Variants in CCDC30 observed in about 807,000 individuals in gnomAD.
CCDC30 encodes the protein coiled-coil domain-containing protein 30.
Under a neutral mutation model 100.2 loss-of-function variants are expected in CCDC30, and 70 were observed. The observed-to-expected ratio is 0.70, with a 90% confidence interval of 0.58 to 0.85. CCDC30 has a LOEUF of 0.85. Ranked by LOEUF, CCDC30 falls within the 40% of genes least tolerant of loss-of-function variation. The pLI, the probability that CCDC30 is intolerant of heterozygous loss-of-function variation, is 0.00. For missense variants in CCDC30, 652 were observed against 771.2 expected, an observed-to-expected ratio of 0.85 and a Z score of 1.83; for synonymous variants, 233 against 269.5, an observed-to-expected ratio of 0.86 and a Z score of 1.33.
At chr1:42,532,408 C>T (rs1307813712) in intron 6 of CCDC30, among the ~76,000 whole-genome samples, 1 of 152,072 alleles carries the variant, frequency 6.6e-6, no homozygotes, top group Non-Finnish European at 1.5e-5. Context: ...TGTTCCTTAC[C>T]CATTTCTCTA....
chr1:42,464,339 T>C (rs1643500285), intron 1 of CCDC30: 2 of 152,230 alleles, frequency 1.3e-5, no homozygotes, highest in Admixed American at 1.3e-4. Context: ...CCTTGTTTCA[T>C]TAAATTTTAT....
intron 3 of CCDC30, among the ~76,000 whole-genome samples, chr1:42,489,152 A>G (rs7526123): frequency 0.4 from 60,780 of 152,142 alleles, 12,726 homozygotes; most frequent in East Asian, 0.59. Context: ...AGTAAAAACA[A>G]AAGCTATTTT....
chr1:42,572,441 C>T lies in CCDC30; in HGVS notation c.637-4579C>T, dbSNP rs180696856. Among the ~76,000 whole-genome samples, 1,101 of 152,028 alleles carry T rather than the reference C, an allele frequency of 7.2e-3. 7 individuals carry two copies. The highest frequency in any genetic ancestry group is 9.1e-3 in the Non-Finnish European group (617 of 67,990). ...TTTATCAGGTATGTATTATAAACAT[C>T]GACTCTGTGGCTTGCATTTTCATTC... On this transcript the variant is annotated intron_variant, in intron 7 of 16. Coordinates refer to ENST00000668663, the Ensembl canonical transcript of CCDC30.
chr1:42,636,696 G>A lies in CCDC30; in HGVS notation c.1278-541G>A, dbSNP rs138112724. Among the ~76,000 whole-genome samples the A allele has an allele frequency of 4.1e-4, 62 of 152,082 alleles. No individual in the cohort carries two copies. The East Asian group carries it at 6.2e-3, about 15-fold the overall frequency. Reference sequence around the variant, plus strand: ...TACAAGACCAAGGTAGTCCAAGTGCGGTAGCTCATGCCTGTAATCCCAGCA... The same window carrying A: ...TACAAGACCAAGGTAGTCCAAGTGCAGTAGCTCATGCCTGTAATCCCAGCA... On this transcript the variant is annotated intron_variant, in intron 11 of 16. Transcript: ENST00000668663.
chr1:42,538,812 T>C (rs746522235), intron 6 of CCDC30, among the ~76,000 whole-genome samples: 41 of 152,174 alleles, frequency 2.7e-4, no homozygotes, highest in Non-Finnish European at 5.3e-4. Context: ...AAATGGTACT[T>C]CTAAAAAGAT....
chr1:42,629,451 T>A (rs906810058), intron 11 of CCDC30, among the ~76,000 whole-genome samples: 1 of 152,196 alleles, frequency 6.6e-6, no homozygotes, highest in South Asian at 2.1e-4. Flanking sequence ...GCTTTTAGTA[T>A]CTTTTATTTT....
chr1:42,629,837 A>T (rs139997515), intron 11 of CCDC30, among the ~76,000 whole-genome samples: 1,795 of 151,402 alleles, frequency 0.012, 44 homozygotes, highest in African/African-American at 0.041. Context: ...GCTGGTCTTG[A>T]ACTCCTGACC....
At chr1:42,548,660 T>C (rs1009471407) in intron 6 of CCDC30, among the ~76,000 whole-genome samples, 3 of 152,164 alleles carry the variant, frequency 2.0e-5, no homozygotes, top group Non-Finnish European at 4.4e-5. Context: ...GACATGGTCA[T>C]GCAATTAGTT....
At chr1:42,481,415 A>G (rs963825348) in intron 2 of CCDC30, among the ~76,000 whole-genome samples, 7 of 151,850 alleles carry the variant, frequency 4.6e-5, no homozygotes, top group African/African-American at 2.4e-5. Context: ...GTCTCTACTA[A>G]AAAATACAAA....
chr1:42,633,184 A>G (rs1459410574), intron 11 of CCDC30, among the ~76,000 whole-genome samples: 1 of 152,192 alleles, frequency 6.6e-6, no homozygotes, highest in Non-Finnish European at 1.5e-5. Context: ...CAAAAACAAA[A>G]TGATTTTAAA....
exon 17 of CCDC30, chr1:42,654,056 A>G (rs1570366525): frequency 2.0e-6 from 3 of 1,538,020 alleles, no homozygotes; most frequent in Non-Finnish European, 2.7e-6. Flanking sequence ...GCTATACTGA[A>G]CAAAAGTGGT....
At chr1:42,574,050 A>C (rs1645785784) in intron 7 of CCDC30, among the ~76,000 whole-genome samples, 1 of 152,186 alleles carries the variant, frequency 6.6e-6, no homozygotes, top group Admixed American at 6.5e-5. Flanking sequence ...TTTGCTCAAA[A>C]GTGAGACTAG....
downstream of CCDC30, among the ~76,000 whole-genome samples, chr1:42,656,506 CT>C (rs1399035578): frequency 1.3e-5 from 2 of 152,114 alleles, no homozygotes; most frequent in East Asian, 3.8e-4. Context: ...TGGTGCACAC[CT>C]GTAGTCCCTG....
At position 42,550,007 on chromosome 1, in the gene CCDC30, C is replaced by T. The variant is rs561051761; in HGVS notation, c.457-16289C>T. 6.6e-4 allele frequency among the ~76,000 whole-genome samples: 100 copies of T among 152,344 alleles called. 1 individual carries two copies. Among genetic ancestry groups the T allele is most frequent in the African/African-American group, 2.3e-3 (94 of 41,580 alleles). ...TCAAGTTCAACTTGATGTTGACTTT[C>T]TGTCTCCTTCACAGACTACCAATGT... On this transcript the variant is annotated intron_variant, in intron 6 of 16. Transcript: ENST00000668663.
chr1:42,655,823 C>G (rs780091194), downstream of CCDC30, among the ~76,000 whole-genome samples: 2 of 142,750 alleles, frequency 1.4e-5, no homozygotes, highest in Non-Finnish European at 3.0e-5. Context: ...TGTGGATGTT[C>G]TATAAATTAA....
intron 6 of CCDC30, among the ~76,000 whole-genome samples, chr1:42,503,391 T>G (rs1173425088): frequency 2.6e-5 from 4 of 152,170 alleles, no homozygotes; most frequent in Non-Finnish European, 4.4e-5. Flanking sequence ...CTGCATCAGA[T>G]TTTATAGGCA....
At chr1:42,548,700 G>T (rs1645191326) in intron 6 of CCDC30, among the ~76,000 whole-genome samples, 1 of 152,118 alleles carries the variant, frequency 6.6e-6, no homozygotes, top group African/African-American at 2.4e-5. Flanking sequence ...GAAGGTAATT[G>T]GAGAGAAGGA....
rs185566460 is a variant in CCDC30, at chr1:42,602,388, C to G, written c.1165-8590C>G. Among the ~76,000 whole-genome samples, 12 of 151,972 alleles carry G rather than the reference C, an allele frequency of 7.9e-5. No homozygotes were observed. The East Asian group carries it at 2.3e-3, about 29-fold the overall frequency. Reference sequence around the variant, plus strand: ...AAAGATTAATAAAATTGATAGGCCTCTAGCCAGGCTAACAAAAAAAAAGAG... The same window carrying G: ...AAAGATTAATAAAATTGATAGGCCTGTAGCCAGGCTAACAAAAAAAAAGAG... On this transcript the variant is annotated intron_variant, in intron 10 of 16. Transcript: ENST00000668663.
chr1:42,650,490 A>ATAT (rs1553129531), intron 15 of CCDC30, among the ~76,000 whole-genome samples: 5 of 130,010 alleles, frequency 3.8e-5, no homozygotes, highest in Admixed American at 3.8e-4. Context: ...TGTCTAAAAA[A>ATAT]ATATATATGT....
Sources: allele counts gnomAD v4.1 joint callset (sites outside exome capture counted in the v4.1 genomes callset), GRCh38; gene constraint gnomAD v4.1.1; transcripts MANE v1.5; gene names NCBI Gene and HGNC (gene_info 2026-07-23, HGNC 2026-07-21).